Variants in ZFP62 observed in about 807,000 individuals in gnomAD.
ZFP62 encodes the protein ZFP62 zinc finger protein.
In ZFP62, 44 loss-of-function variants were observed where a neutral mutation model predicts 56.4. The ratio of observed to expected loss-of-function variants is 0.78; its 90% CI spans 0.61 to 1.00. The LOEUF (loss-of-function observed/expected upper bound fraction) is 1.00. Ranked by LOEUF, ZFP62 falls within the 50% of genes least tolerant of loss-of-function variation. The pLI is 0.00. For synonymous variants in ZFP62, 421 were observed against 388.9 expected, an observed-to-expected ratio of 1.08 and a Z score of -0.97; for missense variants, 1,030 against 1,085.7, an observed-to-expected ratio of 0.95 and a Z score of 0.72.
the ZFP62 span, chr5:180,830,903 G>T: frequency 3.9e-5 from 6 of 152,368 alleles, no homozygotes; most frequent in Non-Finnish European, 8.8e-5. Flanking sequence ...GAGACGGCGG[G>T]TGGGGGTTGA....
At position 180,849,411 on chromosome 5, in the gene ZFP62, T is replaced by G. The variant is rs1334052504; in HGVS notation, c.2084A>C (p.His695Pro). 17 of 1,551,152 alleles carry G rather than the reference T, an allele frequency of 1.1e-5. 1 individual carries two copies. In the Admixed American group the frequency reaches 2.6e-4, roughly 23 times the overall value. The change falls in exon 2 of 2, where the codon CAC (histidine) becomes CCC (proline). Residue 695 changes from histidine to proline, a missense_variant. Coordinates refer to ENST00000502412, the MANE Select transcript of ZFP62 (RefSeq NM_001172638.2). ...ACATGTATGGGGTGTCCTGCCAGGGTGGGTACTCTTATGGTTAATAAGGCT... is the reference window on the plus strand; with the variant it reads ...ACATGTATGGGGTGTCCTGCCAGGGGGGGTACTCTTATGGTTAATAAGGCT... ...HSSLINHKST[H>P]PGRTPHTCDE...
At chr5:180,843,626 T>C (rs1319668720), downstream of ZFP62, among the ~76,000 whole-genome samples, 2 of 152,202 alleles carry the variant, frequency 1.3e-5, no homozygotes, top group East Asian at 1.9e-4. Flanking sequence ...ATATAACAAT[T>C]TTATATTTGT....
chr5:180,854,306 T>C (rs1240438215), intron 1 of ZFP62, among the ~76,000 whole-genome samples: 3 of 152,238 alleles, frequency 2.0e-5, no homozygotes, highest in African/African-American at 7.2e-5. Flanking sequence ...AATAACTAAG[T>C]ATAGTGATAC....
chr5:180,844,620 T>C (rs901347107), downstream of ZFP62, among the ~76,000 whole-genome samples: 1 of 152,176 alleles, frequency 6.6e-6, no homozygotes, highest in Admixed American at 6.5e-5. Context: ...GAGGCAGCCC[T>C]CAACCCCCAA....
the ZFP62 span, among the ~76,000 whole-genome samples, chr5:180,841,460 A>C: frequency 6.6e-6 from 1 of 152,138 alleles, no homozygotes; most frequent in African/African-American, 2.4e-5. Flanking sequence ...CCTTTTACTG[A>C]AAGTTAACAA....
Position 180,850,546 on chromosome 5 carries a change from C to A in ZFP62, c.949G>T (p.Ala317Ser). 11 of 1,555,936 alleles carry A rather than the reference C, an allele frequency of 7.1e-6. No individual in the cohort carries two copies. Among genetic ancestry groups the A allele is most frequent in the Non-Finnish European group, 7.8e-6 (9 of 1,149,608 alleles). Residue 317 changes from alanine to serine, a missense_variant, in exon 2 of 2, where the codon GCC becomes TCC. Transcript: ENST00000502412. Reference protein sequence around the residue: ...KPYECDECGKAFITCRTLLNH... With the variant: ...KPYECDECGKSFITCRTLLNH... ...AGAAGTGTTCTACAAGTAATGAAGG[C>A]CTTCCCACACTCATCACATTCGTAA...
the ZFP62 span, among the ~76,000 whole-genome samples, chr5:180,827,312 T>G: frequency 6.6e-6 from 1 of 152,334 alleles, no homozygotes; most frequent in East Asian, 1.9e-4. Flanking sequence ...TGTGTCTGTA[T>G]AGAAAGAAGT....
chr5:180,832,093 A>G, the ZFP62 span, among the ~76,000 whole-genome samples: 2 of 126,054 alleles, frequency 1.6e-5, no homozygotes, highest in Non-Finnish European at 3.5e-5. Flanking sequence ...CCATCTCAAA[A>G]CAAAAAACAA....
Position 180,848,592 on chromosome 5 carries a change from T to C in ZFP62, c.*200A>G, listed in dbSNP as rs1221434836. 3.8e-6 allele frequency: 5 copies of C among 1,325,330 alleles called. No individual in the cohort carries two copies. The highest frequency in any genetic ancestry group is 2.6e-5 in the South Asian group (1 of 38,922). 82.1% of individuals were successfully genotyped at this position (1,325,330 alleles called of 1,614,324 possible). On this transcript the variant is annotated 3_prime_UTR_variant, in exon 2 of 2. Transcript: ENST00000502412. ...TCTCTCAAGTATGGACTGTTTTATA[T>C]CCTGTAAGAGCTGAACTACCTTGAC... is the stretch of plus-strand genomic sequence containing the variant.
chr5:180,836,930 C>T, the ZFP62 span, among the ~76,000 whole-genome samples: 2 of 152,198 alleles, frequency 1.3e-5, no homozygotes, highest in Non-Finnish European at 2.9e-5. Context: ...CATTCCTGTG[C>T]TATCAAATGA....
rs775196323 is a variant in ZFP62 at position 180,850,876 on chromosome 5, T to C, written c.619A>G (p.Met207Val). 28 of 1,565,586 alleles carry C rather than the reference T, an allele frequency of 1.8e-5. No individual in the cohort carries two copies. Among genetic ancestry groups the C allele is most frequent in the Non-Finnish European group, 2.3e-5 (27 of 1,155,400 alleles). The change falls in exon 2 of 2, where the codon ATG becomes GTG. Residue 207 changes from methionine (M) to valine (V), a missense_variant. Transcript: ENST00000502412. ...YKCEECGKAY[M>V]SYSSLINHKS... ...TGGTTTATAAGGCTGGAGTAGGACATGTAGGCTTTCCCACATTCCTCACAC... is the reference window on the plus strand; with the variant it reads ...TGGTTTATAAGGCTGGAGTAGGACACGTAGGCTTTCCCACATTCCTCACAC...
the ZFP62 span, chr5:180,831,673 G>A: frequency 6.6e-6 from 1 of 152,472 alleles, no homozygotes; most frequent in Non-Finnish European, 1.5e-5. Flanking sequence ...CTGGCTACGG[G>A]TACCCGGACC....
chr5:180,828,347 A>T, the ZFP62 span, among the ~76,000 whole-genome samples: 5 of 152,110 alleles, frequency 3.3e-5, no homozygotes, highest in Non-Finnish European at 7.4e-5. Context: ...ATCACTCAGG[A>T]GAGTCCGTAA....
chr5:180,851,902 A>T, intron 1 of ZFP62: 1 of 507,838 alleles, frequency 2.0e-6, no homozygotes, highest in Non-Finnish European at 2.6e-6. Flanking sequence ...TAAGTAGGAC[A>T]AAAGTTAGGT....
chr5:180,843,015 C>G (rs1773345135), downstream of ZFP62, among the ~76,000 whole-genome samples: 2 of 149,292 alleles, frequency 1.3e-5, no homozygotes. Context: ...TGCACTCCAG[C>G]CTGGGTGACA....
At chr5:180,840,759 CA>C in the ZFP62 span, among the ~76,000 whole-genome samples, 2 of 142,874 alleles carry the variant, frequency 1.4e-5, no homozygotes, top group African/African-American at 2.6e-5. Flanking sequence ...GAATCTGCCT[CA>C]AAAAAAAAAT....
intron 1 of ZFP62, 78 bp downstream of exon 1, chr5:180,861,141 C>G (rs1289728207): frequency 1.3e-5 from 5 of 398,778 alleles, no homozygotes; most frequent in Non-Finnish European, 1.8e-5. Context: ...GCGGAGCAGC[C>G]AAGACCCGGC....
chr5:180,840,329 G>T, the ZFP62 span, among the ~76,000 whole-genome samples: 2 of 152,142 alleles, frequency 1.3e-5, no homozygotes, highest in Non-Finnish European at 2.9e-5. Context: ...GATGGGGAAG[G>T]CTTTGAAGAT....
At chr5:180,838,092 T>C in the ZFP62 span, among the ~76,000 whole-genome samples, 1 of 152,116 alleles carries the variant, frequency 6.6e-6, no homozygotes, top group African/African-American at 2.4e-5. Context: ...TACTAAGAGA[T>C]GAAAAAAAGA....
Sources: allele counts gnomAD v4.1 joint callset (sites outside exome capture counted in the v4.1 genomes callset), GRCh38; gene constraint gnomAD v4.1.1; transcripts MANE v1.5; gene names NCBI Gene and HGNC (gene_info 2026-07-23, HGNC 2026-07-21).